CSMD3: variants seen among roughly 807,000 people sequenced by gnomAD.
CSMD3 encodes the protein CUB and sushi domain-containing protein 3.
Under a neutral mutation model 435.2 loss-of-function variants are expected in CSMD3, and 177 were observed. The ratio of observed to expected loss-of-function variants is 0.41; its 90% CI spans 0.36 to 0.46. The LOEUF (loss-of-function observed/expected upper bound fraction) is 0.46, where lower values mean the gene tolerates loss of function less well. Ranked by LOEUF, CSMD3 falls within the 20% of genes least tolerant of loss-of-function variation. CSMD3 has a pLI of 0.34. For missense variants in CSMD3, 4,265 were observed against 4,504.6 expected (o/e 0.95, Z 1.52); for synonymous variants, 1,656 against 1,520.5 (o/e 1.09, Z -2.07).
intron 32 of CSMD3, among the ~76,000 whole-genome samples, chr8:112,439,602 T>C (rs75087892): frequency 0.03 from 4,572 of 152,200 alleles, 96 homozygotes; most frequent in African/African-American, 0.052. Flanking sequence ...TGCCTGACAC[T>C]ACGTAATTTA....
chr8:112,645,195 C>A lies in CSMD3; in HGVS notation c.3224G>T (p.Ser1075Ile). 1 of 1,600,506 alleles carries A rather than the reference C, an allele frequency of 6.2e-7. No individual in the cohort carries two copies. The highest frequency in any genetic ancestry group is 8.6e-7 in the Non-Finnish European group (1 of 1,167,770). Residue 1075 changes from serine to isoleucine, a missense_variant, in exon 20 of 71, where the codon AGT (serine) becomes ATT (isoleucine). Ser to Ile is a moderately radical substitution (Grantham distance 142, BLOSUM62 -2). This residue lies in a region of CSMD3 where 3,255 missense variants were observed against 3,380.2 expected (regional missense o/e 0.96). Coordinates refer to ENST00000297405, the MANE Select transcript of CSMD3 (RefSeq NM_198123.2). ...GTAACCAGGTGATAAGATTGTTCCACTAGGCCCTCTAACATCTCCTCCACA... is the reference window on the plus strand; with the variant it reads ...GTAACCAGGTGATAAGATTGTTCCAATAGGCCCTCTAACATCTCCTCCACA... ...ALCGGDVRGP[S>I]GTILSPGYPE...
chr8:113,088,668 C>T (rs1295558089), intron 5 of CSMD3, among the ~76,000 whole-genome samples: 9 of 136,556 alleles, frequency 6.6e-5, no homozygotes, highest in Non-Finnish European at 1.4e-4. Context: ...AATGAGAACA[C>T]ATGGACACAA....
At chr8:112,528,203 C>T (rs548393402) in intron 27 of CSMD3, among the ~76,000 whole-genome samples, 1 of 152,024 alleles carries the variant, frequency 6.6e-6, no homozygotes, top group South Asian at 2.1e-4. Context: ...ATACATACTC[C>T]TTAATATAAG....
intron 13 of CSMD3, among the ~76,000 whole-genome samples, chr8:112,795,672 T>C (rs2078811693): frequency 6.6e-6 from 1 of 152,078 alleles, no homozygotes; most frequent in South Asian, 2.1e-4. Context: ...CACCTGAGTC[T>C]CAGATAAAAA....
chr8:112,971,455 T>A (rs965491689), intron 7 of CSMD3, among the ~76,000 whole-genome samples: 61 of 152,196 alleles, frequency 4.0e-4, no homozygotes, highest in African/African-American at 1.5e-3. Flanking sequence ...AATTCTTTTT[T>A]ATCTTTCCAT....
intron 8 of CSMD3, among the ~76,000 whole-genome samples, chr8:112,951,931 T>C (rs931047779): frequency 6.6e-6 from 1 of 151,628 alleles, no homozygotes; most frequent in African/African-American, 2.4e-5. Flanking sequence ...ACACAATCAT[T>C]TATGGCAGGC....
At chr8:113,174,058 A>G (rs1177063554) in intron 3 of CSMD3, 142 bp from the exon 4 acceptor site, 1 of 678,276 alleles carries the variant, frequency 1.5e-6, no homozygotes, top group East Asian at 2.7e-5. Flanking sequence ...CTTCTATTCC[A>G]ATACATGTGA....
chr8:113,014,372 C>G (rs2086372421), intron 6 of CSMD3, among the ~76,000 whole-genome samples: 2 of 152,154 alleles, frequency 1.3e-5, no homozygotes, highest in South Asian at 4.1e-4. Context: ...GTAAACAGTT[C>G]CATTTTAGTC....
At chr8:112,248,634 C>A (rs754681837) in intron 63 of CSMD3, among the ~76,000 whole-genome samples, 2 of 152,044 alleles carry the variant, frequency 1.3e-5, no homozygotes, top group African/African-American at 2.4e-5. Context: ...TTAATTCCTA[C>A]CCCCTCTTGA....
At chr8:113,001,879 G>C (rs1564196067) in intron 6 of CSMD3, among the ~76,000 whole-genome samples, 1 of 151,948 alleles carries the variant, frequency 6.6e-6, no homozygotes. Flanking sequence ...CCTTAGCAAA[G>C]TACATAGTAC....
chr8:112,679,106 A>G (rs758649267), intron 16 of CSMD3, among the ~76,000 whole-genome samples: 5 of 145,370 alleles, frequency 3.4e-5, no homozygotes, highest in Non-Finnish European at 7.5e-5. Context: ...TTTTTTTTTA[A>G]ATTAGGAAAA....
At chr8:112,405,213 C>A (rs375935456) in intron 35 of CSMD3, among the ~76,000 whole-genome samples, 364 of 17,834 alleles carry the variant, frequency 0.02, 6 homozygotes, top group East Asian at 0.037. Context: ...AAAAAAACCC[C>A]CATATATATA....
chr8:112,688,307 T>G (rs2076056929), intron 14 of CSMD3, among the ~76,000 whole-genome samples: 1 of 152,134 alleles, frequency 6.6e-6, no homozygotes, highest in Non-Finnish European at 1.5e-5. Context: ...TTATATAAGA[T>G]GCAGTTTTTA....
At chr8:113,213,643 A>G (rs2092866256) in intron 3 of CSMD3, among the ~76,000 whole-genome samples, 1 of 151,994 alleles carries the variant, frequency 6.6e-6, no homozygotes, top group African/African-American at 2.4e-5. Context: ...GTATAATCTG[A>G]AGATTAAGTC....
chr8:113,032,850 T>A (rs1224745667), intron 5 of CSMD3, among the ~76,000 whole-genome samples: 2 of 151,430 alleles, frequency 1.3e-5, no homozygotes, highest in South Asian at 2.1e-4. Context: ...TGGGCTGCAC[T>A]CAGGGCCCCA....
intron 10 of CSMD3, among the ~76,000 whole-genome samples, chr8:112,910,830 T>C (rs980874661): frequency 6.6e-6 from 1 of 151,964 alleles, no homozygotes; most frequent in Non-Finnish European, 1.5e-5. Flanking sequence ...ATGTGGCTTA[T>C]ACATCACTAA....
chr8:112,406,698 T>C lies in CSMD3; in HGVS notation c.5635A>G (p.Ser1879Gly), dbSNP rs763739522. ...AVPRTSSTQC[S>G]SVPEPRFGRR... ...CCGAATCTTGGTTCAGGCACAGAAC[T>C]GCATTGTGTAGAACTTGTTCTAGGA... Residue 1879 changes from serine (S) to glycine (G), a missense_variant, in exon 35 of 71, where the codon AGT (serine) becomes GGT (glycine). By Grantham distance (56) the Ser-to-Gly change is moderately conservative. Transcript: ENST00000297405. 56 of 1,609,600 alleles carry C rather than the reference T, an allele frequency of 3.5e-5. No homozygotes were observed. The highest frequency in any genetic ancestry group is 5.0e-5 in the Admixed American group (3 of 59,898).
intron 2 of CSMD3, among the ~76,000 whole-genome samples, chr8:113,293,827 G>C (rs1344496834): frequency 1.3e-5 from 2 of 151,992 alleles, no homozygotes; most frequent in Non-Finnish European, 2.9e-5. Context: ...TCTCACCAAA[G>C]ATGTAGGAAG....
chr8:112,270,369 T>TGTGTGTGTGTGTGTGTTAGGGGTGA (rs1641241893), intron 59 of CSMD3, among the ~76,000 whole-genome samples: 1 of 150,468 alleles, frequency 6.6e-6, no homozygotes, highest in African/African-American at 2.4e-5. Flanking sequence ...TGTGTGTGTG[T>TGTGTGTGTGTGTGTGTTAGGGGTGA]GTGTGTGTGT....
Sources: allele counts gnomAD v4.1 joint callset (sites outside exome capture counted in the v4.1 genomes callset), GRCh38; gene constraint gnomAD v4.1.1; regional missense constraint gnomAD v4.1.1; transcripts MANE v1.5; gene names NCBI Gene and HGNC (gene_info 2026-07-23, HGNC 2026-07-21).